Variants in KCNMB2 observed in about 807,000 individuals in gnomAD.
The protein encoded by KCNMB2 is potassium calcium-activated channel subfamily M regulatory beta subunit 2.
A neutral mutation model predicts 24.5 loss-of-function variants in KCNMB2; 9 were observed. The observed-to-expected ratio is 0.37, with a 90% confidence interval of 0.22 to 0.64. The LOEUF is 0.64. Ranked by LOEUF, KCNMB2 falls within the 30% of genes least tolerant of loss-of-function variation. The probability of loss-of-function intolerance (pLI) is 0.63; values close to 1 mark genes in which losing one functional copy is unlikely to be tolerated. For missense variants in KCNMB2, 226 were observed against 284.3 expected (o/e 0.79, Z 1.47); for synonymous variants, 109 against 104.4 (o/e 1.04, Z -0.27).
chr3:178,551,798 A>C (rs1715962056), intron 1 of KCNMB2, among the ~76,000 whole-genome samples: 1 of 152,240 alleles, frequency 6.6e-6, no homozygotes, highest in East Asian at 1.9e-4. Flanking sequence ...CTCAGAAAGC[A>C]TGATCAGCTT....
In KCNMB2 at chr3:178,589,125, C is replaced by T. The variant is rs566917882; in HGVS notation, c.-68+52414C>T. ...CAGGTTTATCTAAATAGAAAATTAC[C>T]TAAAACATACAATCCTTATCAAATA... On this transcript the variant is annotated intron_variant, in intron 1 of 4. Coordinates refer to ENST00000452583, the MANE Select transcript of KCNMB2 (RefSeq NM_181361.3). 3.9e-5 allele frequency among the ~76,000 whole-genome samples: 6 copies of T among 152,254 alleles called. No homozygotes were observed. In the South Asian group the frequency reaches 1.2e-3, roughly 32 times the overall value.
chr3:178,827,158 C>G (rs939040972), intron 3 of KCNMB2, among the ~76,000 whole-genome samples: 4 of 152,150 alleles, frequency 2.6e-5, no homozygotes, highest in Admixed American at 2.6e-4. Context: ...TGGTGATCAG[C>G]TTATACCCAA....
chr3:178,708,514 G>A (rs1722351068), intron 1 of KCNMB2, among the ~76,000 whole-genome samples: 1 of 152,138 alleles, frequency 6.6e-6, no homozygotes, highest in African/African-American at 2.4e-5. Context: ...TATACAGGTA[G>A]TCTGATGGCA....
intron 1 of KCNMB2, among the ~76,000 whole-genome samples, chr3:178,789,316 C>T (rs1713231565): frequency 6.6e-6 from 1 of 152,162 alleles, no homozygotes; most frequent in African/African-American, 2.4e-5. Flanking sequence ...TACATGGTTG[C>T]CCCAGCAACT....
intron 1 of KCNMB2, among the ~76,000 whole-genome samples, chr3:178,735,617 A>C (rs1269245545): frequency 6.6e-6 from 1 of 152,186 alleles, no homozygotes; most frequent in Non-Finnish European, 1.5e-5. Context: ...ATCTAAATCA[A>C]TACATATCTA....
At chr3:178,805,302 A>C (rs1209344028) in intron 1 of KCNMB2, among the ~76,000 whole-genome samples, 1 of 152,242 alleles carries the variant, frequency 6.6e-6, no homozygotes, top group African/African-American at 2.4e-5. Context: ...ACAACGATAT[A>C]GTATATGCTT....
chr3:178,841,782 AT>A (rs2108480348), intron 4 of KCNMB2, among the ~76,000 whole-genome samples: 1 of 152,322 alleles, frequency 6.6e-6, no homozygotes, highest in South Asian at 2.1e-4. Flanking sequence ...GATACATGGT[AT>A]TACAATTCAA....
chr3:178,590,992 A>G (rs908626057), intron 1 of KCNMB2, among the ~76,000 whole-genome samples: 4 of 152,196 alleles, frequency 2.6e-5, no homozygotes, highest in African/African-American at 9.7e-5. Flanking sequence ...ATGATCCATG[A>G]TCCACTAAAA....
At chr3:178,673,163 A>G (rs927714019) in intron 1 of KCNMB2, among the ~76,000 whole-genome samples, 1 of 152,072 alleles carries the variant, frequency 6.6e-6, no homozygotes, top group African/African-American at 2.4e-5. Flanking sequence ...CATTACAATC[A>G]TTCAGAAAAA....
chr3:178,718,856 T>G (rs546432686), intron 1 of KCNMB2, among the ~76,000 whole-genome samples: 18 of 152,232 alleles, frequency 1.2e-4, no homozygotes, highest in South Asian at 4.2e-4. Context: ...GAGACACAAA[T>G]CTCTGTCTCA....
At chr3:178,748,189 T>C (rs1246449434) in intron 1 of KCNMB2, 3 of 152,234 alleles carry the variant, frequency 2.0e-5, no homozygotes, top group African/African-American at 4.8e-5. Flanking sequence ...AAAGTGACTA[T>C]AGCCAAAATT....
At chr3:178,578,794 TAA>T (rs1011493181) in intron 1 of KCNMB2, among the ~76,000 whole-genome samples, 1 of 151,998 alleles carries the variant, frequency 6.6e-6, no homozygotes, top group Non-Finnish European at 1.5e-5. Context: ...TACATAAAGG[TAA>T]AGAGATCAAT....
chr3:178,676,723 C>T (rs897054548), intron 1 of KCNMB2, among the ~76,000 whole-genome samples: 3 of 152,172 alleles, frequency 2.0e-5, no homozygotes, highest in African/African-American at 4.8e-5. Context: ...GCCTGGCACA[C>T]GGACTTTAGG....
chr3:178,708,095 CT>C (rs1234607083), intron 1 of KCNMB2, among the ~76,000 whole-genome samples: 1 of 152,092 alleles, frequency 6.6e-6, no homozygotes, highest in Non-Finnish European at 1.5e-5. Context: ...CAAAGTTTAT[CT>C]TTTAAGAGAA....
chr3:178,771,783 CT>C (rs946384597), intron 1 of KCNMB2, among the ~76,000 whole-genome samples: 1 of 152,148 alleles, frequency 6.6e-6, no homozygotes, highest in Admixed American at 6.6e-5. Context: ...GGGAAATCTA[CT>C]TGCTTACCTC....
chr3:178,818,890 C>T (rs1714510770), intron 2 of KCNMB2, among the ~76,000 whole-genome samples: 1 of 151,064 alleles, frequency 6.6e-6, no homozygotes, highest in South Asian at 2.1e-4. Context: ...AATCCAACCA[C>T]ACTCTACTAC....
chr3:178,592,321 C>T (rs924392842), intron 1 of KCNMB2, among the ~76,000 whole-genome samples: 3 of 152,108 alleles, frequency 2.0e-5, no homozygotes, highest in Admixed American at 6.6e-5. Flanking sequence ...GCAGGTGGAA[C>T]GCGAAGGTAA....
At chr3:178,656,546 G>A (rs1720349659) in intron 1 of KCNMB2, among the ~76,000 whole-genome samples, 1 of 152,114 alleles carries the variant, frequency 6.6e-6, no homozygotes. Context: ...GCTGAGGCAG[G>A]CAGATCACCC....
chr3:178,674,412 C>T (rs1721004878), intron 1 of KCNMB2, among the ~76,000 whole-genome samples: 1 of 152,170 alleles, frequency 6.6e-6, no homozygotes, highest in African/African-American at 2.4e-5. Context: ...CTCATGTCTT[C>T]ACCATTAATG....
Sources: allele counts gnomAD v4.1 joint callset (sites outside exome capture counted in the v4.1 genomes callset), GRCh38; gene constraint gnomAD v4.1.1; transcripts MANE v1.5; gene names NCBI Gene and HGNC (gene_info 2026-07-23, HGNC 2026-07-21).